The following THADA variants were observed in gnomAD, a reference collection of about 807,000 sequenced individuals.
The protein encoded by THADA is THADA armadillo repeat containing.
THADA carries 213 observed loss-of-function variants against 219.8 expected under a neutral mutation model. That is an observed-to-expected ratio of 0.97 (90% confidence interval 0.87 to 1.09). The LOEUF is 1.09. THADA is among the 50% of genes least tolerant of loss of function. The probability of loss-of-function intolerance (pLI) is 0.00; values close to 1 mark genes in which losing one functional copy is unlikely to be tolerated. For synonymous variants in THADA, 1,018 were observed against 828.9 expected (o/e 1.23, Z -3.92); for missense variants, 2,956 against 2,311.3 (o/e 1.28, Z -5.72).
intron 23 of THADA, among the ~76,000 whole-genome samples, chr2:43,507,922 TGAAATCAAAGA>T (rs778264151): frequency 6.7e-4 from 102 of 152,298 alleles, no homozygotes; most frequent in Non-Finnish European, 1.2e-3. Flanking sequence ...TAATACTAAG[TGAAATCAAAGA>T]GCAAGCAGTG....
intron 36 of THADA, among the ~76,000 whole-genome samples, chr2:43,259,437 C>T (rs769340628): frequency 3.9e-5 from 6 of 152,254 alleles, no homozygotes; most frequent in Non-Finnish European, 7.3e-5. Context: ...TCTGACTGCA[C>T]GTCCTGCCAG....
At chr2:43,440,495 T>C (rs1040032921) in intron 26 of THADA, among the ~76,000 whole-genome samples, 3 of 152,214 alleles carry the variant, frequency 2.0e-5, no homozygotes, top group African/African-American at 7.2e-5. Context: ...TGTTATATTC[T>C]TGACCACCTC....
At position 43,549,284 on chromosome 2, in the gene THADA, T is replaced by C. The variant is rs751985267; in HGVS notation, c.3032A>G (p.Lys1011Arg). ...NDYFNQAKILKEHDSFDMKDL... is the reference protein window; with the variant it reads ...NDYFNQAKILREHDSFDMKDL... The stretch of plus-strand genomic sequence containing the variant: ...CTTCATATCAAAGCTATCATGTTCT[T>C]TCAATATTTTGGCTTGGTTAAAATA... The change falls in exon 20 of 38, where the codon AAA becomes AGA. Residue 1011 changes from lysine (K) to arginine (R), a missense_variant. Lys to Arg is a conservative substitution (Grantham distance 26). Coordinates refer to ENST00000405975, the MANE Select transcript of THADA (RefSeq NM_022065.5). The C allele has an allele frequency of 1.8e-5, 29 of 1,598,354 alleles. No homozygotes were observed. The highest frequency in any genetic ancestry group is 2.3e-5 in the Non-Finnish European group (27 of 1,172,228).
chr2:43,550,017 C>T (rs898652377), intron 19 of THADA, among the ~76,000 whole-genome samples: 2 of 152,118 alleles, frequency 1.3e-5, no homozygotes, highest in Non-Finnish European at 2.9e-5. Context: ...CTTCATATTA[C>T]ATTAAGTTTC....
intron 36 of THADA, among the ~76,000 whole-genome samples, chr2:43,242,247 C>A (rs1668698867): frequency 6.6e-6 from 1 of 152,222 alleles, no homozygotes. Context: ...ACCCGCTTAG[C>A]ACTTGACTGT....
At chr2:43,564,934 C>T (rs1235683549) in intron 15 of THADA, 2 of 152,058 alleles carry the variant, frequency 1.3e-5, no homozygotes, top group Non-Finnish European at 1.5e-5. Flanking sequence ...AAACGCAATG[C>T]GTGATCTAGG....
At chr2:43,265,800 C>A (rs550190918) in intron 36 of THADA, among the ~76,000 whole-genome samples, 5 of 152,288 alleles carry the variant, frequency 3.3e-5, no homozygotes, top group African/African-American at 1.2e-4. Context: ...CATTCCCCAC[C>A]CTGACCCACT....
chr2:43,588,520 T>C (rs943427851), intron 4 of THADA, among the ~76,000 whole-genome samples: 1 of 152,148 alleles, frequency 6.6e-6, no homozygotes, highest in Admixed American at 6.5e-5. Flanking sequence ...AGAAGTCTTA[T>C]AAATCAAGAA....
intron 28 of THADA, among the ~76,000 whole-genome samples, chr2:43,408,878 C>G (rs369332818): frequency 6.6e-6 from 1 of 152,166 alleles, no homozygotes; most frequent in East Asian, 1.9e-4. Context: ...ACTAACCATA[C>G]TCAATCTTTC....
chr2:43,317,222 T>C (rs1307961882), intron 31 of THADA, among the ~76,000 whole-genome samples: 1 of 152,172 alleles, frequency 6.6e-6, no homozygotes, highest in African/African-American at 2.4e-5. Flanking sequence ...CAGATATATA[T>C]TTACATACAC....
chr2:43,493,365 T>A (rs1361302396), intron 25 of THADA, among the ~76,000 whole-genome samples: 2 of 152,044 alleles, frequency 1.3e-5, no homozygotes, highest in Non-Finnish European at 2.9e-5. Flanking sequence ...CGTGGTAGCA[T>A]GCGCCTGTAG....
intron 22 of THADA, among the ~76,000 whole-genome samples, chr2:43,509,363 C>T (rs1037552925): frequency 2.6e-5 from 4 of 152,114 alleles, no homozygotes; most frequent in Non-Finnish European, 2.9e-5. Context: ...TTACATTAAG[C>T]GCTATCTTAG....
At chr2:43,354,875 A>G (rs1382078190) in intron 29 of THADA, among the ~76,000 whole-genome samples, 1 of 152,122 alleles carries the variant, frequency 6.6e-6, no homozygotes, top group Non-Finnish European at 1.5e-5. Flanking sequence ...TGCTGTTCTC[A>G]TGATAGAGAG....
intron 30 of THADA, among the ~76,000 whole-genome samples, chr2:43,321,805 T>A (rs1678747438): frequency 6.6e-6 from 1 of 152,208 alleles, no homozygotes; most frequent in Non-Finnish European, 1.5e-5. Context: ...TGGCAGATGT[T>A]CCAGAACTGT....
chr2:43,327,457 G>C (rs1679461053), intron 30 of THADA, among the ~76,000 whole-genome samples: 1 of 139,982 alleles, frequency 7.1e-6, no homozygotes, highest in South Asian at 2.6e-4. Context: ...GGTGAGAAGG[G>C]GAGTGGGGGG....
chr2:43,479,017 G>C (rs1451265707), intron 26 of THADA, among the ~76,000 whole-genome samples: 1 of 152,096 alleles, frequency 6.6e-6, no homozygotes, highest in Non-Finnish European at 1.5e-5. Flanking sequence ...TGCCTAAAGA[G>C]TAGATAAATG....
chr2:43,508,892 G>A, intron 22 of THADA, 112 bp from the exon 23 acceptor site: 1 of 1,021,640 alleles, frequency 9.8e-7, no homozygotes, highest in Non-Finnish European at 1.4e-6. Context: ...ATATTGAGTG[G>A]GGGTGAAACT....
At chr2:43,524,859 T>G (rs1478109275) in intron 22 of THADA, among the ~76,000 whole-genome samples, 1 of 152,204 alleles carries the variant, frequency 6.6e-6, no homozygotes, top group Non-Finnish European at 1.5e-5. Flanking sequence ...CCGCTCCATT[T>G]ATTCGGAATG....
At chr2:43,527,812 C>A in intron 22 of THADA, 67 bp downstream of exon 22, 1 of 1,102,326 alleles carries the variant, frequency 9.1e-7, no homozygotes, top group South Asian at 1.4e-5. Context: ...CAACTAAATT[C>A]TACTCCAAGC....
Sources: allele counts gnomAD v4.1 joint callset (sites outside exome capture counted in the v4.1 genomes callset), GRCh38; gene constraint gnomAD v4.1.1; transcripts MANE v1.5; gene names NCBI Gene and HGNC (gene_info 2026-07-23, HGNC 2026-07-21).